Variants in CNTN5 observed in about 807,000 individuals in gnomAD.
CNTN5 encodes contactin-5.
A neutral mutation model predicts 129.1 loss-of-function variants in CNTN5; 77 were observed. That is an observed-to-expected ratio of 0.60 (90% CI 0.50 to 0.72). CNTN5 has a LOEUF of 0.72. CNTN5 is among the 30% of genes least tolerant of loss of function. The pLI, the probability that CNTN5 is intolerant of heterozygous loss-of-function variation, is 0.00. For missense variants in CNTN5, 1,478 were observed against 1,328.8 expected (o/e 1.11, Z -1.75); for synonymous variants, 509 against 465.6 (o/e 1.09, Z -1.20).
chr11:99,221,854 T>C (rs2135704148), intron 1 of CNTN5, among the ~76,000 whole-genome samples: 1 of 152,100 alleles, frequency 6.6e-6, no homozygotes, highest in South Asian at 2.1e-4. Context: ...AAAATACACA[T>C]ATATACAGCA....
chr11:99,392,170 C>T (rs1215336748), intron 2 of CNTN5, among the ~76,000 whole-genome samples: 2 of 150,742 alleles, frequency 1.3e-5, no homozygotes, highest in Non-Finnish European at 3.0e-5. Flanking sequence ...ATATGTAATG[C>T]TTTTAGATCC....
At chr11:99,840,371 G>C (rs1043140218) in intron 4 of CNTN5, among the ~76,000 whole-genome samples, 1 of 152,114 alleles carries the variant, frequency 6.6e-6, no homozygotes, top group Non-Finnish European at 1.5e-5. Flanking sequence ...TAAGTATCTA[G>C]TCTCATAATA....
chr11:99,264,470 T>G (rs1331570681), intron 1 of CNTN5, among the ~76,000 whole-genome samples: 1 of 151,982 alleles, frequency 6.6e-6, no homozygotes, highest in African/African-American at 2.4e-5. Context: ...GATGCTATAT[T>G]TGGGGATCTA....
chr11:99,366,768 A>G (rs1939468885), intron 2 of CNTN5, among the ~76,000 whole-genome samples: 2 of 152,134 alleles, frequency 1.3e-5, no homozygotes, highest in South Asian at 4.1e-4. Flanking sequence ...ATCTTTGATA[A>G]GGAAAGATTT....
At chr11:99,033,847 A>C (rs1863538908) in intron 1 of CNTN5, among the ~76,000 whole-genome samples, 1 of 151,720 alleles carries the variant, frequency 6.6e-6, no homozygotes, top group Non-Finnish European at 1.5e-5. Context: ...GTCTTGTGCC[A>C]GTTTTCAAAG....
chr11:100,190,692 T>C (rs1948454019), intron 13 of CNTN5, among the ~76,000 whole-genome samples: 1 of 151,380 alleles, frequency 6.6e-6, no homozygotes, highest in African/African-American at 2.4e-5. Context: ...CAATTAATTT[T>C]GTGTTCTGTA....
chr11:99,769,665 C>A (rs1944876536), intron 3 of CNTN5, among the ~76,000 whole-genome samples: 1 of 151,806 alleles, frequency 6.6e-6, no homozygotes, highest in Admixed American at 6.6e-5. Context: ...AGCGAAACCC[C>A]CAGCCAGGTG....
At chr11:99,887,536 T>C (rs1292505537) in intron 6 of CNTN5, among the ~76,000 whole-genome samples, 1 of 152,204 alleles carries the variant, frequency 6.6e-6, no homozygotes, top group African/African-American at 2.4e-5. Flanking sequence ...TAAGGAGTAT[T>C]GACTCACACA....
At chr11:99,231,092 T>G (rs928738068) in intron 1 of CNTN5, among the ~76,000 whole-genome samples, 13 of 152,204 alleles carry the variant, frequency 8.5e-5, no homozygotes, top group Non-Finnish European at 1.9e-4. Context: ...TTTTCTGTTT[T>G]GAATAGTACT....
intron 1 of CNTN5, among the ~76,000 whole-genome samples, chr11:99,110,091 A>G: frequency 6.6e-6 from 1 of 152,090 alleles, no homozygotes; most frequent in East Asian, 1.9e-4. Flanking sequence ...AAAGAAGGGA[A>G]CCTCGCTCGG....
intron 6 of CNTN5, among the ~76,000 whole-genome samples, chr11:99,890,641 T>C (rs989912600): frequency 3.3e-5 from 5 of 151,678 alleles, no homozygotes; most frequent in Admixed American, 6.6e-5. Context: ...CCATTCAGAG[T>C]TCCAAATAAT....
intron 3 of CNTN5, among the ~76,000 whole-genome samples, chr11:99,616,023 A>G (rs1166648872): frequency 6.6e-6 from 1 of 152,112 alleles, no homozygotes; most frequent in African/African-American, 2.4e-5. Flanking sequence ...TGTGTAAGCC[A>G]CCATGACTGG....
chr11:100,208,410 C>T (rs1450624060), intron 15 of CNTN5, among the ~76,000 whole-genome samples: 1 of 152,068 alleles, frequency 6.6e-6, no homozygotes, highest in Non-Finnish European at 1.5e-5. Context: ...AGGAAGTGAG[C>T]CACATGTTTC....
At chr11:100,244,900 T>C (rs1949812589) in intron 16 of CNTN5, among the ~76,000 whole-genome samples, 1 of 152,200 alleles carries the variant, frequency 6.6e-6, no homozygotes, top group Non-Finnish European at 1.5e-5. Context: ...AATTAGATAA[T>C]TGGAGATCTT....
chr11:99,231,722 C>T (rs1861010056), intron 1 of CNTN5, among the ~76,000 whole-genome samples: 1 of 152,088 alleles, frequency 6.6e-6, no homozygotes, highest in Non-Finnish European at 1.5e-5. Flanking sequence ...AAATCTTTGC[C>T]TGTGCCTATG....
Position 99,949,046 on chromosome 11 carries a change from G to T in CNTN5, c.674-7760G>T, listed in dbSNP as rs146881881. 1.9e-3 allele frequency among the ~76,000 whole-genome samples: 285 copies of T among 152,296 alleles called. 1 individual carries two copies. Among genetic ancestry groups the T allele is most frequent in the African/African-American group, 6.6e-3 (274 of 41,568 alleles). ...AAAGTTGTGTTTGAGAACCCCAAGT[G>T]GGATCAATCTTAAGCTAATCTCCAA... On this transcript the variant is annotated intron_variant, in intron 7 of 24. Coordinates refer to ENST00000524871, the MANE Select transcript of CNTN5 (RefSeq NM_014361.4).
intron 4 of CNTN5, among the ~76,000 whole-genome samples, chr11:99,833,847 G>T (rs1413786425): frequency 6.6e-6 from 1 of 152,132 alleles, no homozygotes; most frequent in African/African-American, 2.4e-5. Flanking sequence ...CTCTAGCTCA[G>T]TGATTCCCAG....
intron 3 of CNTN5, among the ~76,000 whole-genome samples, chr11:99,735,167 C>A (rs1190844945): frequency 1.2e-4 from 19 of 152,116 alleles, no homozygotes; most frequent in Non-Finnish European, 2.9e-5. Flanking sequence ...ATGGAGCTTA[C>A]CTTTTAGAAG....
intron 6 of CNTN5, among the ~76,000 whole-genome samples, chr11:99,880,728 A>C (rs1274945076): frequency 3.9e-5 from 6 of 152,178 alleles, no homozygotes; most frequent in African/African-American, 1.4e-4. Flanking sequence ...AATTTGTTTA[A>C]ATCACCTTCT....
Sources: allele counts gnomAD v4.1 joint callset (sites outside exome capture counted in the v4.1 genomes callset), GRCh38; gene constraint gnomAD v4.1.1; transcripts MANE v1.5; gene names NCBI Gene and HGNC (gene_info 2026-07-23, HGNC 2026-07-21).